The following WASHC3 variants were observed in gnomAD, a reference collection of about 807,000 sequenced individuals.
The protein encoded by WASHC3 is WASH complex subunit 3.
WASHC3 carries 24 observed loss-of-function variants against 26.1 expected under a neutral mutation model. The ratio of observed to expected loss-of-function variants is 0.92; its 90% confidence interval spans 0.66 to 1.29. WASHC3 has a LOEUF of 1.29. Among genes scored for constraint, WASHC3 ranks in the 50% most tolerant of loss-of-function variants. WASHC3 has a pLI of 0.00. For synonymous variants in WASHC3, 77 were observed against 75.7 expected, an observed-to-expected ratio of 1.02 and a Z score of -0.09; for missense variants, 214 against 229.6, an observed-to-expected ratio of 0.93 and a Z score of 0.44.
intron 6 of WASHC3, 182 bp downstream of exon 6, chr12:102,025,792 G>A: frequency 1.8e-6 from 1 of 547,066 alleles, no homozygotes; most frequent in Non-Finnish European, 3.2e-6. Context: ...GTAAAGGCTG[G>A]TCTTAGTAGA....
At chr12:102,059,164 T>C (rs1188568116) in intron 2 of WASHC3, among the ~76,000 whole-genome samples, 3 of 152,144 alleles carry the variant, frequency 2.0e-5, no homozygotes, top group East Asian at 1.9e-4. Context: ...ATATATTGTA[T>C]TGAAAATTGC....
intron 5 of WASHC3, among the ~76,000 whole-genome samples, chr12:102,035,959 T>A (rs1433476364): frequency 6.6e-6 from 1 of 152,194 alleles, no homozygotes; most frequent in East Asian, 1.9e-4. Flanking sequence ...GCATGTTAGA[T>A]AACAGAATTT....
intron 5 of WASHC3, among the ~76,000 whole-genome samples, chr12:102,026,469 T>G (rs538129776): frequency 6.6e-6 from 1 of 152,308 alleles, no homozygotes; most frequent in Admixed American, 6.5e-5. Flanking sequence ...TAATGTTCTT[T>G]TAATAAGCAA....
At chr12:102,037,393 C>A (rs117428494) in intron 5 of WASHC3, among the ~76,000 whole-genome samples, 1 of 151,962 alleles carries the variant, frequency 6.6e-6, no homozygotes, top group African/African-American at 2.4e-5. Context: ...GCAGAGAAGG[C>A]GTAAAGGGAA....
rs566850310 is a variant in WASHC3 at position 102,044,105 on chromosome 12, C to G, written c.324G>C (p.Gln108His). The G allele has an allele frequency of 6.4e-7, 1 of 1,553,538 alleles. No individual in the cohort carries two copies. The highest frequency in any genetic ancestry group is 1.4e-5 in the African/African-American group (1 of 73,278). Residue 108 changes from glutamine to histidine, a missense_variant and splice_region_variant, in exon 4 of 7, where the codon CAG becomes CAC. Transcript: ENST00000240079. ...AHPEATSEQP[Q>H]QNSTQDSGLQ... The stretch of plus-strand genomic sequence containing the variant: ...TGCTCGTTTCTTAGAACTCACTTAC[C>G]TGTGGTTGCTCTGAAGTGGCTTCAG...
chr12:102,020,996 C>T (rs111897757), intron 6 of WASHC3, among the ~76,000 whole-genome samples: 154 of 152,178 alleles, frequency 1.0e-3, no homozygotes, highest in Non-Finnish European at 1.7e-3. Context: ...GCAGGAGAAT[C>T]GCTTGAACCC....
chr12:102,030,874 G>C (rs190481234), intron 5 of WASHC3, among the ~76,000 whole-genome samples: 3 of 152,210 alleles, frequency 2.0e-5, no homozygotes, highest in African/African-American at 7.2e-5. Context: ...ACCAGAAAAA[G>C]CAAGAAATTT....
intron 2 of WASHC3, among the ~76,000 whole-genome samples, chr12:102,053,215 C>T (rs923676156): frequency 6.6e-6 from 1 of 152,026 alleles, no homozygotes; most frequent in Non-Finnish European, 1.5e-5. Context: ...ACTGCAGACT[C>T]AGGCTCAAGG....
intron 2 of WASHC3, among the ~76,000 whole-genome samples, chr12:102,052,541 T>C (rs758266467): frequency 6.1e-4 from 93 of 151,744 alleles, no homozygotes; most frequent in Non-Finnish European, 1.1e-3. Context: ...CCAGGTCTGC[T>C]CTAGGGACAG....
intron 5 of WASHC3, among the ~76,000 whole-genome samples, 155 bp downstream of exon 5, chr12:102,039,713 T>G (rs535579113): frequency 6.6e-6 from 1 of 151,896 alleles, no homozygotes; most frequent in East Asian, 1.9e-4. Context: ...TTTTTTTTAA[T>G]CAGAGAATTA....
intron 2 of WASHC3, among the ~76,000 whole-genome samples, chr12:102,055,346 CTTTTG>C (rs1878551584): frequency 6.6e-6 from 1 of 151,962 alleles, no homozygotes; most frequent in Non-Finnish European, 1.5e-5. Flanking sequence ...TTTCTTTTTT[CTTTTG>C]TTTTGTTTTT....
intron 6 of WASHC3, among the ~76,000 whole-genome samples, chr12:102,024,378 T>C (rs1264880917): frequency 6.6e-6 from 1 of 152,126 alleles, no homozygotes; most frequent in African/African-American, 2.4e-5. Context: ...TAATTCAGAT[T>C]ACAAACGATG....
chr12:102,037,516 A>T (rs1877718324), intron 5 of WASHC3, among the ~76,000 whole-genome samples: 2 of 152,196 alleles, frequency 1.3e-5, no homozygotes, highest in Admixed American at 1.3e-4. Flanking sequence ...CCATGAAGAT[A>T]TCTGGGGAAA....
chr12:102,046,850 A>G (rs1311003926), intron 2 of WASHC3, among the ~76,000 whole-genome samples: 1 of 152,254 alleles, frequency 6.6e-6, no homozygotes, highest in African/African-American at 2.4e-5. Context: ...ACACGCTGCA[A>G]CAAGGTCTGC....
chr12:102,059,057 T>C (rs1001919088), intron 2 of WASHC3, among the ~76,000 whole-genome samples: 4 of 151,976 alleles, frequency 2.6e-5, no homozygotes, highest in African/African-American at 9.7e-5. Context: ...GTTAAGAGGA[T>C]TGGGGAGATG....
At chr12:102,025,362 C>T (rs1480276234) in intron 6 of WASHC3, among the ~76,000 whole-genome samples, 1 of 151,912 alleles carries the variant, frequency 6.6e-6, no homozygotes, top group African/African-American at 2.4e-5. Context: ...AATTTCTGAG[C>T]CACAATTTTT....
At chr12:102,046,358 C>T (rs1240247956) in intron 2 of WASHC3, among the ~76,000 whole-genome samples, 1 of 151,690 alleles carries the variant, frequency 6.6e-6, no homozygotes, top group African/African-American at 2.4e-5. Flanking sequence ...CGCAGTGGTG[C>T]GATCTCGGCT....
At chr12:102,030,295 CAA>C (rs57056667) in intron 5 of WASHC3, among the ~76,000 whole-genome samples, 13 of 89,096 alleles carry the variant, frequency 1.5e-4, no homozygotes, top group African/African-American at 1.2e-4. Flanking sequence ...AACTCCATCT[CAA>C]AAAAAAAAAA....
chr12:102,053,037 C>T (rs1403085741), intron 2 of WASHC3, among the ~76,000 whole-genome samples: 1 of 151,996 alleles, frequency 6.6e-6, no homozygotes, highest in African/African-American at 2.4e-5. Context: ...CAGTAGATTG[C>T]ATTGCCAGAT....
Sources: gnomAD v4.1 joint callset for allele counts (sites outside exome capture counted in the v4.1 genomes callset) on GRCh38, gnomAD v4.1.1 for gene constraint, MANE v1.5 for transcripts, NCBI Gene and HGNC (gene_info 2026-07-23, HGNC 2026-07-21) for gene names.